The following PIWIL2 variants were observed in gnomAD, a reference collection of about 807,000 sequenced individuals.
PIWIL2 encodes the protein piwi like RNA-mediated gene silencing 2, also known as piwi-like protein 2.
In PIWIL2, 81 loss-of-function variants were observed where a neutral mutation model predicts 116.5. That is an observed-to-expected ratio of 0.70 (90% confidence interval 0.58 to 0.84). The LOEUF is 0.84. Ranked by LOEUF, PIWIL2 falls within the 40% of genes least tolerant of loss-of-function variation. PIWIL2 has a pLI of 0.00. For missense variants in PIWIL2, 1,272 were observed against 1,212.3 expected (o/e 1.05, Z -0.73); for synonymous variants, 489 against 429.5 (o/e 1.14, Z -1.71).
At chr8:22,338,133 C>G (rs1333531587) in intron 20 of PIWIL2, among the ~76,000 whole-genome samples, 4 of 151,752 alleles carry the variant, frequency 2.6e-5, no homozygotes, top group Non-Finnish European at 5.9e-5. Flanking sequence ...AAAGGAGAGA[C>G]AACTCATGTT....
intron 10 of PIWIL2, among the ~76,000 whole-genome samples, chr8:22,294,530 A>C (rs1830842452): frequency 6.7e-6 from 1 of 149,334 alleles, no homozygotes; most frequent in East Asian, 2.0e-4. Flanking sequence ...AGTCCCAGCT[A>C]CTCAGGAGGA....
intron 4 of PIWIL2, among the ~76,000 whole-genome samples, chr8:22,282,197 C>T (rs183974075): frequency 6.8e-6 from 1 of 146,200 alleles, no homozygotes; most frequent in East Asian, 2.0e-4. Flanking sequence ...TCTCCTGCCT[C>T]AGTGTGCCGA....
chr8:22,340,636 A>G (rs1832086420), intron 20 of PIWIL2, among the ~76,000 whole-genome samples: 1 of 152,224 alleles, frequency 6.6e-6, no homozygotes, highest in South Asian at 2.1e-4. Context: ...AGAGATTGGA[A>G]GAATGTATCT....
rs1421386628 is a variant in PIWIL2, at chr8:22,316,262, C to A, written c.2226C>A (p.Ile742=). The change falls in exon 19 of 23, where the codon ATC becomes ATA. Residue 742 remains isoleucine, a synonymous_variant. Coordinates refer to ENST00000356766, the MANE Select transcript of PIWIL2 (RefSeq NM_018068.5). ...VDIPLKQLMV[I]GMDVYHDPSR... is the part of the protein sequence containing the mutation. Reference sequence around the variant, plus strand: ...TAAACTAGAAACAGTTAATGGTGATCGGGATGGATGTTTACCATGACCCCA... The same window carrying A: ...TAAACTAGAAACAGTTAATGGTGATAGGGATGGATGTTTACCATGACCCCA... 6.2e-7 allele frequency: 1 copy of A among 1,611,704 alleles called. No individual in the cohort carries two copies. Among genetic ancestry groups the A allele is most frequent in the Non-Finnish European group, 8.5e-7 (1 of 1,177,940 alleles).
At chr8:22,349,367 A>G (rs1188171114) in intron 20 of PIWIL2, among the ~76,000 whole-genome samples, 2 of 148,378 alleles carry the variant, frequency 1.3e-5, no homozygotes, top group African/African-American at 4.9e-5. Context: ...GAATATCTGT[A>G]TATCCTTGAT....
chr8:22,327,804 T>A (rs1301638895), intron 20 of PIWIL2, among the ~76,000 whole-genome samples: 1 of 152,226 alleles, frequency 6.6e-6, no homozygotes, highest in Admixed American at 6.5e-5. Context: ...TTGGGCTATT[T>A]GTCGTTTTGT....
Position 22,304,856 on chromosome 8 carries a change from T to A in PIWIL2, c.1443T>A (p.Asp481Glu), listed in dbSNP as rs1277998327. The A allele has an allele frequency of 6.2e-7, 1 of 1,603,906 alleles. No homozygotes were observed. The highest frequency in any genetic ancestry group is 8.5e-7 in the Non-Finnish European group (1 of 1,170,804). Reference sequence around the variant, plus strand: ...TTCACAGGCCCAGTGAGAGACAGGATAATCATGGGATGGTGAGTAGGGCTG... The same window carrying A: ...TTCACAGGCCCAGTGAGAGACAGGAAAATCATGGGATGGTGAGTAGGGCTG... Reference protein sequence around the residue: ...LLIHRPSERQDNHGMLLKGEI... With the variant: ...LLIHRPSERQENHGMLLKGEI... The change falls in exon 12 of 23, where the codon GAT becomes GAA. Residue 481 changes from aspartate to glutamate, a missense_variant. By Grantham distance (45) the Asp-to-Glu change is conservative (BLOSUM62 2). Transcript: ENST00000356766.
intron 20 of PIWIL2, among the ~76,000 whole-genome samples, chr8:22,320,093 G>T (rs1219244246): frequency 6.6e-6 from 1 of 151,948 alleles, no homozygotes; most frequent in Non-Finnish European, 1.5e-5. Context: ...CTCCTGAATA[G>T]CTGGGATTAT....
At chr8:22,347,463 C>T (rs1339362330) in intron 20 of PIWIL2, among the ~76,000 whole-genome samples, 2 of 150,782 alleles carry the variant, frequency 1.3e-5, no homozygotes, top group Admixed American at 6.6e-5. Flanking sequence ...GTGATCTGCT[C>T]GCCTCAGCCT....
intron 18 of PIWIL2, 99 bp downstream of exon 18, chr8:22,315,244 TACTC>T: frequency 1.4e-6 from 1 of 715,238 alleles, no homozygotes. Context: ...TCTCAACACT[TACTC>T]AGTAGTCTAA....
intron 15 of PIWIL2, 113 bp from the exon 16 acceptor site, chr8:22,310,994 TAAGAC>T: frequency 1.2e-6 from 1 of 850,832 alleles, no homozygotes; most frequent in East Asian, 2.5e-5. Flanking sequence ...AGGAGTTAGA[TAAGAC>T]AGGATTCAAG....
chr8:22,294,800 C>T (rs1830853259), intron 10 of PIWIL2, among the ~76,000 whole-genome samples: 1 of 145,734 alleles, frequency 6.9e-6, no homozygotes. Flanking sequence ...GTGGCTCATG[C>T]CTGTCATCCC....
intron 5 of PIWIL2, among the ~76,000 whole-genome samples, chr8:22,283,789 C>T (rs1830568322): frequency 6.6e-6 from 1 of 152,196 alleles, no homozygotes; most frequent in Admixed American, 6.5e-5. Flanking sequence ...CACGGCCTTT[C>T]GTTTCCTTCC....
chr8:22,281,744 A>G lies in PIWIL2; in HGVS notation c.425+229A>G, dbSNP rs569302892. Among the ~76,000 whole-genome samples the G allele has an allele frequency of 3.3e-5, 5 of 151,930 alleles. No homozygotes were observed. In the East Asian group the frequency reaches 9.6e-4, roughly 29 times the overall value. ...TGTTCAAAAATTCATTTGTCCTCTT[A>G]AAAAATTACCCTGATCATGGTGATT... On this transcript the variant is annotated intron_variant, in intron 4 of 22. Transcript: ENST00000356766.
chr8:22,347,151 C>T (rs1317121857), intron 20 of PIWIL2, among the ~76,000 whole-genome samples: 1 of 131,216 alleles, frequency 7.6e-6, no homozygotes, highest in African/African-American at 2.9e-5. Context: ...GCCTGGGCAA[C>T]AGAGCAAGAC....
intron 10 of PIWIL2, among the ~76,000 whole-genome samples, chr8:22,296,306 A>T (rs1240314702): frequency 3.3e-5 from 5 of 151,432 alleles, no homozygotes; most frequent in African/African-American, 1.2e-4. Flanking sequence ...CAGTCTCCCA[A>T]AGTGCTGGGA....
chr8:22,304,511 A>C (rs749506133), intron 11 of PIWIL2, among the ~76,000 whole-genome samples: 61 of 152,138 alleles, frequency 4.0e-4, no homozygotes, highest in Non-Finnish European at 7.4e-4. Flanking sequence ...TTTGACTGTC[A>C]TTTCATGTTT....
At chr8:22,303,477 A>G (rs1409160168) in intron 10 of PIWIL2, among the ~76,000 whole-genome samples, 2 of 152,174 alleles carry the variant, frequency 1.3e-5, no homozygotes, top group Non-Finnish European at 2.9e-5. Flanking sequence ...CTGTAGCCTC[A>G]AACTCCTGGG....
chr8:22,277,865 G>A (rs2131972964), intron 1 of PIWIL2, among the ~76,000 whole-genome samples: 2 of 152,136 alleles, frequency 1.3e-5, no homozygotes, highest in South Asian at 4.2e-4. Context: ...ATATGGCTGT[G>A]TTAACTATGA....
Sources: allele counts gnomAD v4.1 joint callset (sites outside exome capture counted in the v4.1 genomes callset), GRCh38; gene constraint gnomAD v4.1.1; transcripts MANE v1.5; gene names NCBI Gene and HGNC (gene_info 2026-07-23, HGNC 2026-07-21).